Variants in PEX14 observed in about 807,000 individuals in gnomAD.
PEX14 encodes the protein peroxisomal membrane protein PEX14.
Under a neutral mutation model 49.5 loss-of-function variants are expected in PEX14, and 15 were observed. The observed-to-expected ratio is 0.30, with a 90% CI of 0.20 to 0.47. The LOEUF (loss-of-function observed/expected upper bound fraction) is 0.47. Among genes scored for constraint, PEX14 ranks in the 20% least tolerant of loss-of-function variants. PEX14 has a pLI of 1.00. For missense variants in PEX14, 398 were observed against 494.8 expected (o/e 0.80, Z 1.86); for synonymous variants, 210 against 212.7 (o/e 0.99, Z 0.11).
intron 3 of PEX14, among the ~76,000 whole-genome samples, chr1:10,585,701 C>G (rs1029172447): frequency 6.6e-6 from 1 of 152,222 alleles, no homozygotes; most frequent in African/African-American, 2.4e-5. Context: ...GAGCAGATCA[C>G]CTGAGGTCAG....
chr1:10,599,503 AGGAATGT>A, intron 4 of PEX14, 137 bp downstream of exon 4: 1 of 1,011,088 alleles, frequency 9.9e-7, no homozygotes, highest in Non-Finnish European at 1.6e-6. Flanking sequence ...GTTTTTCCCA[AGGAATGT>A]GACACACCCC....
Position 10,592,250 on chromosome 1 carries a change from T to C in PEX14, c.170-6988T>C, listed in dbSNP as rs115703150. Among the ~76,000 whole-genome samples the C allele has an allele frequency of 3.9e-3, 587 of 152,320 alleles. 5 individuals are homozygous for C. Among genetic ancestry groups the C allele is most frequent in the African/African-American group, 0.013 (561 of 41,570 alleles). The stretch of plus-strand genomic sequence containing the variant: ...ACACAGTTTCTTCCCTAGGACTTAC[T>C]CAGTATACTGTGGGAAGGGCTGACT... On this transcript the variant is annotated intron_variant, in intron 3 of 8. Transcript: ENST00000356607.
intron 4 of PEX14, among the ~76,000 whole-genome samples, chr1:10,605,458 C>CGCTA (rs1345172875): frequency 6.6e-6 from 1 of 152,198 alleles, no homozygotes; most frequent in Non-Finnish European, 1.5e-5. Context: ...ATTCCCAGAA[C>CGCTA]GCTAGTCTTA....
chr1:10,546,733 G>T (rs896140011), intron 3 of PEX14, among the ~76,000 whole-genome samples: 3 of 151,190 alleles, frequency 2.0e-5, no homozygotes, highest in African/African-American at 7.3e-5. Flanking sequence ...GCCGTGCGTG[G>T]TGGTGGGCAC....
intron 2 of PEX14, among the ~76,000 whole-genome samples, chr1:10,515,197 C>G (rs1641950193): frequency 6.6e-6 from 1 of 151,444 alleles, no homozygotes; most frequent in East Asian, 1.9e-4. Context: ...CTTATTCAGA[C>G]TCTTAATACA....
intron 2 of PEX14, among the ~76,000 whole-genome samples, chr1:10,523,648 G>A (rs764595989): frequency 1.7e-4 from 25 of 151,464 alleles, no homozygotes; most frequent in Middle Eastern, 3.4e-3. Context: ...AAAAAATCTT[G>A]TAGGAAAATT....
At chr1:10,547,223 T>C (rs920127741) in intron 3 of PEX14, among the ~76,000 whole-genome samples, 2 of 152,212 alleles carry the variant, frequency 1.3e-5, no homozygotes, top group Non-Finnish European at 2.9e-5. Flanking sequence ...TTGACCCCCA[T>C]GAAGCTGGAG....
intron 2 of PEX14, among the ~76,000 whole-genome samples, chr1:10,504,245 T>G (rs554100826): frequency 6.6e-6 from 1 of 152,192 alleles, no homozygotes; most frequent in African/African-American, 2.4e-5. Flanking sequence ...TTTGTAGTTA[T>G]AACCGAGATT....
chr1:10,509,086 G>A (rs1313919289), intron 2 of PEX14, among the ~76,000 whole-genome samples: 1 of 152,118 alleles, frequency 6.6e-6, no homozygotes, highest in Admixed American at 6.5e-5. Flanking sequence ...ACAGGCGCCC[G>A]CCGCCACGTC....
intron 4 of PEX14, among the ~76,000 whole-genome samples, chr1:10,602,381 T>C (rs1207505428): frequency 6.6e-6 from 1 of 151,736 alleles, no homozygotes; most frequent in Non-Finnish European, 1.5e-5. Flanking sequence ...TGACTCTACC[T>C]CTTCACTTCT....
At chr1:10,594,171 CATAAA>C (rs1379280282) in intron 3 of PEX14, among the ~76,000 whole-genome samples, 9 of 152,160 alleles carry the variant, frequency 5.9e-5, no homozygotes, top group Non-Finnish European at 1.3e-4. Flanking sequence ...ACAAAATGTT[CATAAA>C]ATAAAATAAA....
chr1:10,590,257 G>C (rs184135747), intron 3 of PEX14, among the ~76,000 whole-genome samples: 23 of 152,356 alleles, frequency 1.5e-4, no homozygotes, highest in Admixed American at 1.2e-3. Context: ...ACCGTGAGTC[G>C]TGCCCCTCGG....
chr1:10,566,839 C>G (rs1413300247), intron 3 of PEX14, among the ~76,000 whole-genome samples: 1 of 151,992 alleles, frequency 6.6e-6, no homozygotes, highest in African/African-American at 2.4e-5. Context: ...TTTTAAACCT[C>G]AAGTTGTTTT....
chr1:10,594,690 C>T (rs893832513), intron 3 of PEX14, among the ~76,000 whole-genome samples: 1 of 152,226 alleles, frequency 6.6e-6, no homozygotes, highest in Non-Finnish European at 1.5e-5. Flanking sequence ...CAGTGCCCAG[C>T]GGTCACTGGG....
chr1:10,514,087 A>C lies in PEX14; in HGVS notation c.84+18766A>C, dbSNP rs2124441123. The stretch of plus-strand genomic sequence containing the variant: ...AAAGAATGGTAATGAGTAGCCAAAA[A>C]AGAAAAAAAGAAGAAAGAAAAGAAG... On this transcript the variant is annotated intron_variant, in intron 2 of 8. Transcript: ENST00000356607. This position sits in a 1 kb window ranked among gnomAD's most constrained non-coding sequence, Gnocchi z 4.4. Among the ~76,000 whole-genome samples, 1 of 151,488 alleles carries C rather than the reference A, an allele frequency of 6.6e-6. No individual in the cohort carries two copies. Among genetic ancestry groups the C allele is most frequent in the Non-Finnish European group, 1.5e-5 (1 of 67,952 alleles).
chr1:10,566,607 G>C (rs1639811991), intron 3 of PEX14, among the ~76,000 whole-genome samples: 1 of 151,966 alleles, frequency 6.6e-6, no homozygotes, highest in Admixed American at 6.6e-5. Flanking sequence ...TCCTACCTCA[G>C]CCTCCCGAGT....
chr1:10,607,565 T>C (rs1337092577), intron 4 of PEX14, among the ~76,000 whole-genome samples: 1 of 152,242 alleles, frequency 6.6e-6, no homozygotes. Context: ...TCAGTCTTTT[T>C]AATTTTAGCA....
rs1028305527 is a variant in PEX14, at chr1:10,512,633, A to G, written c.84+17312A>G. ...AAGTAGCTAGTTATAATGAAAAAGA[A>G]CAATATATTCAGATGCATAGGATCG... is the stretch of plus-strand genomic sequence containing the variant. On this transcript the variant is annotated intron_variant, in intron 2 of 8. Coordinates refer to ENST00000356607, the MANE Select transcript of PEX14 (RefSeq NM_004565.3). This position sits in a 1 kb window ranked among gnomAD's most constrained non-coding sequence, Gnocchi z 4.6. 6.6e-6 allele frequency among the ~76,000 whole-genome samples: 1 copy of G among 152,196 alleles called. No individual in the cohort carries two copies. Among genetic ancestry groups the G allele is most frequent in the Non-Finnish European group, 1.5e-5 (1 of 68,032 alleles).
intron 2 of PEX14, among the ~76,000 whole-genome samples, chr1:10,534,951 G>C (rs995847217): frequency 6.6e-6 from 1 of 152,140 alleles, no homozygotes; most frequent in African/African-American, 2.4e-5. Flanking sequence ...TAAAATATGG[G>C]GAAGGAGATG....
Sources: gnomAD v4.1 joint callset for allele counts (sites outside exome capture counted in the v4.1 genomes callset) on GRCh38, gnomAD v4.1.1 for gene constraint, Gnocchi (gnomAD v3.1) non-coding constraint, MANE v1.5 for transcripts, NCBI Gene and HGNC (gene_info 2026-07-23, HGNC 2026-07-21) for gene names.